CALCRL: variants seen among roughly 807,000 people sequenced by gnomAD.
CALCRL encodes calcitonin receptor like receptor.
A neutral mutation model predicts 60.4 loss-of-function variants in CALCRL; 27 were observed. That is an observed-to-expected ratio of 0.45 (90% CI 0.33 to 0.62). The LOEUF (loss-of-function observed/expected upper bound fraction) is 0.62, where lower values mean the gene tolerates loss of function less well. CALCRL is among the 20% of genes least tolerant of loss of function. CALCRL has a pLI of 0.03. For synonymous variants in CALCRL, 190 were observed against 182.6 expected, an observed-to-expected ratio of 1.04 and a Z score of -0.33; for missense variants, 424 against 540.7, an observed-to-expected ratio of 0.78 and a Z score of 2.14.
intron 1 of CALCRL, among the ~76,000 whole-genome samples, chr2:187,415,225 C>A (rs914136824): frequency 4.6e-5 from 7 of 152,148 alleles, no homozygotes; most frequent in Admixed American, 4.6e-4. Flanking sequence ...TAGACAAATG[C>A]TTCCTAAATG....
intron 1 of CALCRL, among the ~76,000 whole-genome samples, chr2:187,439,257 C>T (rs1049754259): frequency 1.2e-4 from 19 of 152,054 alleles, no homozygotes; most frequent in Admixed American, 4.6e-4. Flanking sequence ...CCAGACTGGG[C>T]GGATCACTTG....
Position 187,346,406 on chromosome 2 carries a change from A to T in CALCRL, c.1171-7T>A, listed in dbSNP as rs1300342646. 1 of 1,591,948 alleles carries T rather than the reference A, an allele frequency of 6.3e-7. No individual in the cohort carries two copies. Among genetic ancestry groups the T allele is most frequent in the African/African-American group, 1.3e-5 (1 of 74,324 alleles). Reference sequence around the variant, plus strand: ...TTCTCAGAATTGCTTGAACCTATCAATCAAAAGGAAAACAGAAAGAACAAG... The same window carrying T: ...TTCTCAGAATTGCTTGAACCTATCATTCAAAAGGAAAACAGAAAGAACAAG... On this transcript the variant is annotated splice_polypyrimidine_tract_variant and splice_region_variant and intron_variant, in intron 14 of 14. Coordinates refer to ENST00000392370, the MANE Select transcript of CALCRL (RefSeq NM_005795.6).
chr2:187,411,851 C>T (rs1044483812), intron 1 of CALCRL, among the ~76,000 whole-genome samples: 3 of 151,604 alleles, frequency 2.0e-5, no homozygotes, highest in Non-Finnish European at 4.4e-5. Flanking sequence ...AAAAAATTAG[C>T]CAGGCGTGGT....
intron 12 of CALCRL, 101 bp downstream of exon 12, chr2:187,358,962 A>G (rs544371103): frequency 5.2e-5 from 47 of 900,598 alleles, no homozygotes; most frequent in South Asian, 4.2e-4. Context: ...ATGCATGTCC[A>G]TCTGTGTCCA....
chr2:187,406,187 CA>C (rs3836097), intron 1 of CALCRL, among the ~76,000 whole-genome samples: 8 of 143,454 alleles, frequency 5.6e-5, no homozygotes, highest in Non-Finnish European at 7.6e-5. Flanking sequence ...CAAACACAAC[CA>C]AAAAAAAAAA....
intron 1 of CALCRL, among the ~76,000 whole-genome samples, chr2:187,406,298 G>T (rs2105836695): frequency 6.6e-6 from 1 of 151,460 alleles, no homozygotes; most frequent in South Asian, 2.1e-4. Flanking sequence ...CTGTAATATT[G>T]CATATATTTT....
intron 1 of CALCRL, among the ~76,000 whole-genome samples, chr2:187,444,529 A>G (rs1691080132): frequency 6.6e-6 from 1 of 151,612 alleles, no homozygotes; most frequent in Admixed American, 6.6e-5. Context: ...TGCAAACAAT[A>G]ATATTTTGGT....
At chr2:187,418,910 C>CAGT (rs1430868316) in intron 1 of CALCRL, among the ~76,000 whole-genome samples, 9 of 142,698 alleles carry the variant, frequency 6.3e-5, no homozygotes, top group Non-Finnish European at 1.4e-4. Context: ...GGCTGGGGTG[C>CAGT]AGTGGCGTGA....
chr2:187,426,918 A>C (rs1485327483), intron 1 of CALCRL, among the ~76,000 whole-genome samples: 1 of 152,108 alleles, frequency 6.6e-6, no homozygotes, highest in African/African-American at 2.4e-5. Context: ...GTAAAATTTT[A>C]TTTACCCTAT....
chr2:187,399,342 C>T (rs1449926720), intron 1 of CALCRL, among the ~76,000 whole-genome samples: 2 of 151,364 alleles, frequency 1.3e-5, no homozygotes, highest in African/African-American at 4.8e-5. Context: ...TAATCCACAA[C>T]TAATATGTAC....
At chr2:187,385,201 A>G (rs1017694098) in intron 4 of CALCRL, among the ~76,000 whole-genome samples, 3 of 152,212 alleles carry the variant, frequency 2.0e-5, no homozygotes, top group Non-Finnish European at 4.4e-5. Context: ...TTTTTAACAG[A>G]TCTAACTCTG....
At chr2:187,440,703 T>A (rs967314852) in intron 1 of CALCRL, among the ~76,000 whole-genome samples, 1 of 152,062 alleles carries the variant, frequency 6.6e-6, no homozygotes, top group Non-Finnish European at 1.5e-5. Flanking sequence ...AAATATAAAG[T>A]CTTTGTTAAT....
At chr2:187,432,971 G>C (rs1690465081) in intron 1 of CALCRL, among the ~76,000 whole-genome samples, 2 of 152,008 alleles carry the variant, frequency 1.3e-5, no homozygotes, top group Non-Finnish European at 1.5e-5. Flanking sequence ...ATGTGTAGTA[G>C]GCTATCCTAT....
Position 187,383,445 on chromosome 2 carries a change from C to T in CALCRL, c.52-140G>A, listed in dbSNP as rs1159965782. Reference sequence around the variant, plus strand: ...TAAACTGGCGCTCTAGGGAAAAAACCCCAATTTGTAGTGTTTGCTATTTCC... The same window carrying T: ...TAAACTGGCGCTCTAGGGAAAAAACTCCAATTTGTAGTGTTTGCTATTTCC... On this transcript the variant is annotated intron_variant, in intron 4 of 14. Transcript: ENST00000392370. 11 of 600,692 alleles carry T rather than the reference C, an allele frequency of 1.8e-5. No homozygotes were observed. The Admixed American group carries it at 4.3e-4, about 24-fold the overall frequency. 37.2% of individuals were successfully genotyped at this position (600,692 alleles called of 1,614,324 possible). A position where few individuals can be genotyped will look rare whatever the true frequency, so the allele number is the denominator to read the frequency against.
intron 12 of CALCRL, among the ~76,000 whole-genome samples, chr2:187,352,955 A>G (rs1348119044): frequency 6.6e-6 from 1 of 151,800 alleles, no homozygotes; most frequent in Non-Finnish European, 1.5e-5. Context: ...ATTCTATAAG[A>G]CTTCCTGTTA....
intron 1 of CALCRL, among the ~76,000 whole-genome samples, chr2:187,395,106 C>G (rs1381858510): frequency 6.6e-6 from 1 of 152,010 alleles, no homozygotes; most frequent in African/African-American, 2.4e-5. Flanking sequence ...GTTGACTGAA[C>G]AAACCAGGCA....
In CALCRL at chr2:187,352,073, T is replaced by A. The variant is rs183599304; in HGVS notation, c.1128+41A>T. 4.4e-6 allele frequency: 7 copies of A among 1,585,250 alleles called. No homozygotes were observed. The East Asian group carries it at 1.6e-4, about 36-fold the overall frequency. ...AACCAAAGCTATATGTATATTTAAT[T>A]CCAAACTTCTCAAGCTGCCTTCTTA... On this transcript the variant is annotated intron_variant, in intron 13 of 14. Transcript: ENST00000392370.
At chr2:187,408,223 CG>C (rs1574288005) in intron 1 of CALCRL, among the ~76,000 whole-genome samples, 2 of 151,962 alleles carry the variant, frequency 1.3e-5, no homozygotes, top group East Asian at 3.9e-4. Flanking sequence ...TTCAGATATA[CG>C]TGAAACAAAA....
At chr2:187,348,788 A>G (rs542549753) in intron 14 of CALCRL, among the ~76,000 whole-genome samples, 2 of 151,738 alleles carry the variant, frequency 1.3e-5, no homozygotes, top group East Asian at 3.9e-4. Flanking sequence ...TGCTTCCTCT[A>G]ATACAATATC....
Sources: gnomAD v4.1 joint callset for allele counts (sites outside exome capture counted in the v4.1 genomes callset) on GRCh38, gnomAD v4.1.1 for gene constraint, MANE v1.5 for transcripts, NCBI Gene and HGNC (gene_info 2026-07-23, HGNC 2026-07-21) for gene names.